ASAP2: variants seen among roughly 807,000 people sequenced by gnomAD.
ASAP2 encodes the protein ArfGAP with SH3 domain, ankyrin repeat and PH domain 2.
In ASAP2, 45 loss-of-function variants were observed where a neutral mutation model predicts 131.4. The observed-to-expected ratio is 0.34, with a 90% CI of 0.27 to 0.44. The LOEUF (loss-of-function observed/expected upper bound fraction) is 0.44, where lower values mean the gene tolerates loss of function less well. Ranked by LOEUF, ASAP2 falls within the 20% of genes least tolerant of loss-of-function variation. The probability of loss-of-function intolerance (pLI) is 1.00; values close to 1 mark genes in which losing one functional copy is unlikely to be tolerated. For missense variants in ASAP2, 1,011 were observed against 1,297.0 expected (o/e 0.78, Z 3.39); for synonymous variants, 510 against 503.0 (o/e 1.01, Z -0.19).
chr2:9,276,604 C>A (rs1293910791), intron 1 of ASAP2, among the ~76,000 whole-genome samples: 1 of 151,950 alleles, frequency 6.6e-6, no homozygotes, highest in African/African-American at 2.4e-5. Flanking sequence ...GCGGCACAAT[C>A]TTGGCTCACT....
intron 2 of ASAP2, among the ~76,000 whole-genome samples, chr2:9,288,931 A>G (rs1572361180): frequency 6.6e-6 from 1 of 152,166 alleles, no homozygotes; most frequent in South Asian, 2.1e-4. Context: ...ATGCCATACT[A>G]CATTTTCAAT....
At chr2:9,393,755 G>C in intron 24 of ASAP2, 108 bp downstream of exon 24, 1 of 1,211,298 alleles carries the variant, frequency 8.3e-7, no homozygotes. Flanking sequence ...ACTCCAGCGT[G>C]GGCGCCACAT....
At chr2:9,224,743 T>A (rs1662648783) in intron 1 of ASAP2, among the ~76,000 whole-genome samples, 1 of 152,232 alleles carries the variant, frequency 6.6e-6, no homozygotes, top group Admixed American at 6.5e-5. Flanking sequence ...TTGACTCACT[T>A]TATGTGTCCT....
Position 9,207,135 on chromosome 2 carries a change from G to A in ASAP2, c.31G>A (p.Val11Met). MPDQISVSEF[V>M]AETHEDYKAP... ...GGACCAGATCTCCGTGTCGGAATTC[G>A]TGGCCGAGACCCATGAGGACTACAA... Residue 11 changes from valine to methionine, a missense_variant, in exon 1 of 28, where the codon GTG becomes ATG. Val to Met is a conservative substitution (Grantham distance 21, BLOSUM62 1). This residue lies in a region of ASAP2 where 359 missense variants were observed against 598.1 expected (regional missense o/e 0.60). Transcript: ENST00000281419. This position sits in a 1 kb window ranked among gnomAD's most constrained non-coding sequence, Gnocchi z 4.1. The A allele has an allele frequency of 1.3e-6, 2 of 1,598,262 alleles. No individual in the cohort carries two copies. Among genetic ancestry groups the A allele is most frequent in the Admixed American group, 1.7e-5 (1 of 58,852 alleles).
chr2:9,304,687 G>A (rs935075710), intron 3 of ASAP2, among the ~76,000 whole-genome samples: 4 of 143,012 alleles, frequency 2.8e-5, no homozygotes, highest in African/African-American at 5.2e-5. Context: ...TGGAGGGGGT[G>A]TAATAGTGGG....
intron 24 of ASAP2, among the ~76,000 whole-genome samples, chr2:9,398,211 C>G (rs1281793169): frequency 2.6e-5 from 4 of 151,828 alleles, no homozygotes; most frequent in African/African-American, 7.3e-5. Flanking sequence ...AACAGAGATG[C>G]TAGAATCCAC....
At chr2:9,256,369 C>T (rs1665163944) in intron 1 of ASAP2, among the ~76,000 whole-genome samples, 3 of 151,610 alleles carry the variant, frequency 2.0e-5, no homozygotes, top group Non-Finnish European at 4.4e-5. Flanking sequence ...TCAGGCAAAG[C>T]GGCAGTGTCA....
At chr2:9,384,317 C>T (rs1675093487) in intron 20 of ASAP2, among the ~76,000 whole-genome samples, 1 of 152,190 alleles carries the variant, frequency 6.6e-6, no homozygotes, top group African/African-American at 2.4e-5. Flanking sequence ...CCTGTGAGGC[C>T]AGAAGCAAGA....
intron 21 of ASAP2, among the ~76,000 whole-genome samples, chr2:9,386,940 C>T (rs1010285981): frequency 6.6e-6 from 1 of 152,218 alleles, no homozygotes; most frequent in African/African-American, 2.4e-5. Context: ...CGCGGGGGCT[C>T]ACGCCTGTAA....
chr2:9,213,331 G>A lies in ASAP2; in HGVS notation c.126+6101G>A, dbSNP rs1195196855. 3.3e-5 allele frequency among the ~76,000 whole-genome samples: 5 copies of A among 152,164 alleles called. No homozygotes were observed. In the East Asian group the frequency reaches 7.7e-4, roughly 23 times the overall value. ...AGGTCAGGGTGTGTGGGGAGGAGTG[G>A]GCGAGGAAGAGAAGGATGAGAGACG... On this transcript the variant is annotated intron_variant, in intron 1 of 27. Transcript: ENST00000281419.
At chr2:9,374,624 T>G in intron 16 of ASAP2, 131 bp from the exon 17 acceptor site, 1 of 852,048 alleles carries the variant, frequency 1.2e-6, no homozygotes, top group Non-Finnish European at 1.8e-6. Flanking sequence ...CACTCCCGCT[T>G]TGTGTTTCGG....
rs140112567 is a variant in ASAP2, at chr2:9,268,825, T to G, written c.127-10492T>G. On this transcript the variant is annotated intron_variant, in intron 1 of 27. Coordinates refer to ENST00000281419, the MANE Select transcript of ASAP2 (RefSeq NM_003887.3). The surrounding 1 kb of genome is among the most constrained non-coding windows in gnomAD (Gnocchi z 4.1). ...GCGGAGCATGCTAGGGCTGCCTGAG[T>G]GCTGCAGGCCTCTGCTCTCCCCAGG... 3.0e-3 allele frequency among the ~76,000 whole-genome samples: 456 copies of G among 152,196 alleles called. 3 individuals are homozygous for G. The highest frequency in any genetic ancestry group is 7.9e-3 in the South Asian group (38 of 4,820).
At chr2:9,370,867 C>A (rs896149216) in intron 16 of ASAP2, among the ~76,000 whole-genome samples, 1 of 152,180 alleles carries the variant, frequency 6.6e-6, no homozygotes, top group East Asian at 1.9e-4. Flanking sequence ...GTGAAGGAAA[C>A]GTCGTGAATC....
intron 7 of ASAP2, among the ~76,000 whole-genome samples, chr2:9,331,649 T>TCCCGGCTACTC (rs1415201001): frequency 6.6e-6 from 1 of 152,046 alleles, no homozygotes; most frequent in African/African-American, 2.4e-5. Flanking sequence ...ACACCTGTAG[T>TCCCGGCTACTC]CCCGGCTACT....
At chr2:9,350,422 C>G (rs538521491) in intron 11 of ASAP2, 1 of 166,938 alleles carries the variant, frequency 6.0e-6, no homozygotes, top group South Asian at 2.0e-4. Flanking sequence ...AGAAATTGAG[C>G]TGGGTGCCCA....
chr2:9,212,064 A>G (rs1661597935), intron 1 of ASAP2, among the ~76,000 whole-genome samples: 1 of 151,946 alleles, frequency 6.6e-6, no homozygotes. Context: ...TGCTGAATTC[A>G]GTTTCTTTCT....
intron 7 of ASAP2, among the ~76,000 whole-genome samples, chr2:9,328,672 A>C (rs1255935386): frequency 1.3e-5 from 2 of 152,208 alleles, no homozygotes; most frequent in African/African-American, 4.8e-5. Context: ...AGTCTGACCC[A>C]CGTCTCTGAC....
chr2:9,323,531 A>G (rs950417845), intron 6 of ASAP2, among the ~76,000 whole-genome samples: 17 of 152,194 alleles, frequency 1.1e-4, no homozygotes, highest in South Asian at 2.1e-4. Context: ...TTGCTAAAAT[A>G]TTTATTCCTT....
At chr2:9,388,667 T>G in intron 22 of ASAP2, 121 bp downstream of exon 22, 1 of 1,372,594 alleles carries the variant, frequency 7.3e-7, no homozygotes, top group South Asian at 1.6e-5. Flanking sequence ...TGTAGTTATT[T>G]TCTGTTTGCT....
Sources: gnomAD v4.1 joint callset for allele counts (sites outside exome capture counted in the v4.1 genomes callset) on GRCh38, gnomAD v4.1.1 for gene constraint, gnomAD v4.1.1 regional missense constraint, Gnocchi (gnomAD v3.1) non-coding constraint, MANE v1.5 for transcripts, NCBI Gene and HGNC (gene_info 2026-07-23, HGNC 2026-07-21) for gene names.